The following SKP2 variants were observed in gnomAD, a reference collection of about 807,000 sequenced individuals.
The protein encoded by SKP2 is S-phase kinase-associated protein 2.
SKP2 carries 16 observed loss-of-function variants against 51.8 expected under a neutral mutation model. The ratio of observed to expected loss-of-function variants is 0.31; its 90% CI spans 0.21 to 0.47. SKP2 has a LOEUF of 0.47. Among genes scored for constraint, SKP2 ranks in the 20% least tolerant of loss-of-function variants. The probability of loss-of-function intolerance (pLI) is 1.00; values close to 1 mark genes in which losing one functional copy is unlikely to be tolerated. For missense variants in SKP2, 377 were observed against 505.3 expected, an observed-to-expected ratio of 0.75 and a Z score of 2.43; for synonymous variants, 176 against 198.6, an observed-to-expected ratio of 0.89 and a Z score of 0.96.
chr5:36,166,366 A>C lies in SKP2; in HGVS notation c.393-153A>C, dbSNP rs1745288985. On this transcript the variant is annotated intron_variant, in intron 3 of 9. Coordinates refer to ENST00000274255, the MANE Select transcript of SKP2 (RefSeq NM_005983.4). ...TTCTCTAGTGCCTTAAAAATATCAT[A>C]GCTAATTGTATAGCCAACTTAAAAA... Among the ~76,000 whole-genome samples, 6 of 152,374 alleles carry C rather than the reference A, an allele frequency of 3.9e-5. No individual in the cohort carries two copies. In the South Asian group the frequency reaches 1.2e-3, roughly 32 times the overall value.
intron 3 of SKP2, among the ~76,000 whole-genome samples, chr5:36,166,179 A>G (rs778020562): frequency 2.6e-5 from 4 of 152,228 alleles, no homozygotes; most frequent in Admixed American, 6.5e-5. Context: ...ATAATAATTA[A>G]TTGATTTGAG....
intron 2 of SKP2, among the ~76,000 whole-genome samples, chr5:36,158,299 T>C (rs1745015521): frequency 6.6e-6 from 1 of 152,246 alleles, no homozygotes; most frequent in Non-Finnish European, 1.5e-5. Context: ...AGGAAACAGA[T>C]GGCTAATGTT....
downstream of SKP2, among the ~76,000 whole-genome samples, chr5:36,186,711 T>TTCG (rs200467720): frequency 6.6e-6 from 1 of 151,598 alleles, no homozygotes; most frequent in African/African-American, 2.4e-5. Flanking sequence ...AATTCTCTTT[T>TTCG]GTTGTGTCTC....
chr5:36,170,394 C>T lies in SKP2; in HGVS notation c.722C>T (p.Ser241Phe), dbSNP rs1745430577. 7 of 1,613,372 alleles carry T rather than the reference C, an allele frequency of 4.3e-6. No individual in the cohort carries two copies. The highest frequency in any genetic ancestry group is 5.9e-6 in the Non-Finnish European group (7 of 1,179,566). Residue 241 changes from serine (S) to phenylalanine (F), a missense_variant, in exon 6 of 10, where the codon TCT becomes TTT. Coordinates refer to ENST00000274255, the MANE Select transcript of SKP2 (RefSeq NM_005983.4). ...NLVRLNLSGC[S>F]GFSEFALQTL... ...GTGCGACTTAACCTTTCTGGGTGTT[C>T]TGGATTCTCTGAATTTGCCCTGCAG...
Position 36,152,960 on chromosome 5 carries a change from A to T in SKP2, c.198A>T (p.Pro66=). ...ACCTGGGCCACCCGGAGAGCCCCCCACGGAAACGGCTGAAGAGCAAAGGGA... is the reference window on the plus strand; with the variant it reads ...ACCTGGGCCACCCGGAGAGCCCCCCTCGGAAACGGCTGAAGAGCAAAGGGA... The part of the protein sequence containing the change: ...LSNLGHPESP[P]RKRLKSKGSD... The change falls in exon 2 of 10, where the codon CCA becomes CCT. Residue 66 remains proline (P), a synonymous_variant. Coordinates refer to ENST00000274255, the MANE Select transcript of SKP2 (RefSeq NM_005983.4). 1 of 1,614,144 alleles carries T rather than the reference A, an allele frequency of 6.2e-7. No individual in the cohort carries two copies.
chr5:36,165,851 C>T (rs1745267419), intron 3 of SKP2, among the ~76,000 whole-genome samples: 1 of 152,164 alleles, frequency 6.6e-6, no homozygotes, highest in African/African-American at 2.4e-5. Flanking sequence ...CTATTCAGTA[C>T]GTTTTTAGAA....
chr5:36,170,788 C>T (rs1408027289), intron 6 of SKP2, among the ~76,000 whole-genome samples: 1 of 152,192 alleles, frequency 6.6e-6, no homozygotes, highest in Non-Finnish European at 1.5e-5. Context: ...ACCTAACTTA[C>T]AATTTTTTAT....
intron 3 of SKP2, among the ~76,000 whole-genome samples, chr5:36,165,830 C>G (rs1420038213): frequency 6.6e-6 from 1 of 152,096 alleles, no homozygotes; most frequent in Non-Finnish European, 1.5e-5. Context: ...TATTAAAACC[C>G]TCTTACTGTG....
chr5:36,188,798 T>G (rs1745979248), downstream of SKP2, among the ~76,000 whole-genome samples: 1 of 152,226 alleles, frequency 6.6e-6, no homozygotes, highest in Non-Finnish European at 1.5e-5. Flanking sequence ...TTGGGGACAT[T>G]CTCCTGGATA....
At chr5:36,181,706 T>C in intron 9 of SKP2, 112 bp from the exon 10 acceptor site, 15 of 1,090,072 alleles carry the variant, frequency 1.4e-5, no homozygotes, top group Non-Finnish European at 1.9e-5. Flanking sequence ...TAAATTACAC[T>C]TTCAGACTGC....
intron 1 of SKP2, 127 bp downstream of exon 1, chr5:36,152,397 C>T (rs1744763252): frequency 3.1e-6 from 3 of 953,568 alleles, no homozygotes; most frequent in Admixed American, 1.9e-5. Flanking sequence ...TTAGCCCCTT[C>T]TTGGGGAAAG....
chr5:36,166,149 G>T (rs10045632), intron 3 of SKP2, among the ~76,000 whole-genome samples: 2,841 of 152,160 alleles, frequency 0.019, 84 homozygotes, highest in African/African-American at 0.066. Flanking sequence ...CTTCTTAGAG[G>T]ATCCTATTTG....
At position 36,177,027 on chromosome 5, in the gene SKP2, ATTTG is replaced by A; in HGVS notation, c.953+15_953+18del. ...CCATCTAGACTTAAGGTATTTTTTT[ATTTG>A]TTTATTTTAGATCAAAAGTTGAAAA... On this transcript the variant is annotated intron_variant, in intron 8 of 9. Coordinates refer to ENST00000274255, the MANE Select transcript of SKP2 (RefSeq NM_005983.4). 6.4e-7 allele frequency: 1 copy of A among 1,563,052 alleles called. No homozygotes were observed. Among genetic ancestry groups the A allele is most frequent in the Non-Finnish European group, 8.8e-7 (1 of 1,141,666 alleles).
Position 36,179,790 on chromosome 5 carries a change from C to T in SKP2, c.1062-2028C>T, listed in dbSNP as rs989947625. On this transcript the variant is annotated intron_variant, in intron 9 of 9. Transcript: ENST00000274255. ...ACATTTCTTACATTAGAAATAATGG[C>T]TCTTGAACTACTTATTTCTATTTGC... is the stretch of plus-strand genomic sequence containing the variant. Among the ~76,000 whole-genome samples, 16 of 152,196 alleles carry T rather than the reference C, an allele frequency of 1.1e-4. 1 individual carries two copies. The highest frequency in any genetic ancestry group is 5.9e-4 in the Admixed American group (9 of 15,290).
chr5:36,174,240 TC>T (rs576258602), intron 7 of SKP2, among the ~76,000 whole-genome samples: 9 of 152,118 alleles, frequency 5.9e-5, no homozygotes, highest in Non-Finnish European at 1.3e-4. Context: ...GTTTCTAAGA[TC>T]CTTCTAGCTC....
At chr5:36,187,528 A>G (rs563242288), downstream of SKP2, among the ~76,000 whole-genome samples, 477 of 152,234 alleles carry the variant, frequency 3.1e-3, 3 homozygotes, top group African/African-American at 0.011. Flanking sequence ...TTCAATTTCC[A>G]TGTAGTTGAG....
At chr5:36,175,881 A>G (rs1377537621) in intron 7 of SKP2, among the ~76,000 whole-genome samples, 1 of 152,048 alleles carries the variant, frequency 6.6e-6, no homozygotes, top group Non-Finnish European at 1.5e-5. Flanking sequence ...ATATTCATAC[A>G]CATCTATATT....
Position 36,184,064 on chromosome 5 carries a change from TTCTC to T in SKP2, c.*2035_*2038del. ...AAACTAAGTTGTATTCCTTTTTTCT[TTCTC>T]TTTTTTTAAGTGCTGTGGTTAAAAT... On this transcript the variant is annotated 3_prime_UTR_variant, in exon 10 of 10. Coordinates refer to ENST00000274255, the MANE Select transcript of SKP2 (RefSeq NM_005983.4). 1.0e-6 allele frequency: 1 copy of T among 968,918 alleles called. No homozygotes were observed. The highest frequency in any genetic ancestry group is 1.5e-6 in the Non-Finnish European group (1 of 651,000). 60.0% of individuals were successfully genotyped at this position (968,918 alleles called of 1,614,324 possible).
At chr5:36,166,725 CTTT>C (rs3086385) in intron 4 of SKP2, 63 bp downstream of exon 4, 97 of 902,570 alleles carry the variant, frequency 1.1e-4, no homozygotes, top group South Asian at 2.5e-4. Flanking sequence ...CAGATCAAAG[CTTT>C]TTTTTTTTTT....
Sources: gnomAD v4.1 joint callset for allele counts (sites outside exome capture counted in the v4.1 genomes callset) on GRCh38, gnomAD v4.1.1 for gene constraint, MANE v1.5 for transcripts, NCBI Gene and HGNC (gene_info 2026-07-23, HGNC 2026-07-21) for gene names.